Variants in MCPH1 observed in about 807,000 individuals in gnomAD.
MCPH1 encodes the protein microcephalin 1, also known as microcephalin.
MCPH1 carries 104 observed loss-of-function variants against 84.5 expected under a neutral mutation model. The observed-to-expected ratio is 1.23, with a 90% CI of 1.05 to 1.45. MCPH1 has a LOEUF of 1.45. MCPH1 is among the 40% of genes most tolerant of loss of function. MCPH1 has a pLI of 0.00. For synonymous variants in MCPH1, 514 were observed against 366.8 expected (o/e 1.40, Z -4.58); for missense variants, 1,498 against 1,005.7 (o/e 1.49, Z -6.62).
At chr8:6,435,754 A>T (rs1454560361) in intron 4 of MCPH1, among the ~76,000 whole-genome samples, 1 of 152,230 alleles carries the variant, frequency 6.6e-6, no homozygotes, top group African/African-American at 2.4e-5. Context: ...ACAGCAAAAA[A>T]TCGAAAGAGA....
chr8:6,502,344 A>C (rs1474217467), intron 12 of MCPH1: 1 of 152,234 alleles, frequency 6.6e-6, no homozygotes, highest in Non-Finnish European at 1.5e-5. Flanking sequence ...CATATTTAAC[A>C]ATCAGGCAGA....
chr8:6,419,991 G>A (rs1242525306), intron 3 of MCPH1, among the ~76,000 whole-genome samples: 2 of 151,564 alleles, frequency 1.3e-5, no homozygotes, highest in Non-Finnish European at 2.9e-5. Flanking sequence ...TGTGGCCAGA[G>A]CGTCCTCTTC....
chr8:6,519,346 C>T (rs1816871396), intron 12 of MCPH1, among the ~76,000 whole-genome samples: 2 of 152,178 alleles, frequency 1.3e-5, no homozygotes, highest in Admixed American at 1.3e-4. Flanking sequence ...GTAAAACTGC[C>T]ACCATCCCCG....
chr8:6,527,494 C>T (rs1211232836), intron 12 of MCPH1: 69 of 1,567,784 alleles, frequency 4.4e-5, no homozygotes, highest in Non-Finnish European at 3.6e-5. Flanking sequence ...CATTTGAGAC[C>T]GACTTTCATA....
intron 12 of MCPH1, chr8:6,519,948 T>C (rs758115390): frequency 6.2e-7 from 1 of 1,614,102 alleles, no homozygotes; most frequent in East Asian, 2.2e-5. Flanking sequence ...CAGCACAGTC[T>C]CTGAAGCTGA....
intron 11 of MCPH1, among the ~76,000 whole-genome samples, chr8:6,494,740 G>C (rs1368415592): frequency 6.6e-6 from 1 of 152,192 alleles, no homozygotes; most frequent in Non-Finnish European, 1.5e-5. Context: ...CAGGGATGGA[G>C]GGGAGAGAGG....
At chr8:6,507,774 G>C (rs1814075881) in intron 12 of MCPH1, 1 of 151,594 alleles carries the variant, frequency 6.6e-6, no homozygotes, top group South Asian at 2.1e-4. Context: ...GTAGAGATGG[G>C]GTTTCAACAT....
At chr8:6,443,204 G>A (rs1185145970) in intron 7 of MCPH1, among the ~76,000 whole-genome samples, 13 of 152,202 alleles carry the variant, frequency 8.5e-5, no homozygotes, top group Admixed American at 5.9e-4. Context: ...CATGTGGTTT[G>A]TGAATGGCAA....
At chr8:6,599,095 G>C (rs548032007) in intron 12 of MCPH1, among the ~76,000 whole-genome samples, 99 of 152,320 alleles carry the variant, frequency 6.5e-4, no homozygotes, top group African/African-American at 2.3e-3. Context: ...GGCGCGCCTG[G>C]GAAGTGGGAA....
chr8:6,611,687 C>G (rs542732982), intron 12 of MCPH1, among the ~76,000 whole-genome samples: 4 of 152,262 alleles, frequency 2.6e-5, no homozygotes, highest in Non-Finnish European at 5.9e-5. Context: ...GGCGCCATCT[C>G]AGCTCCCTGC....
At chr8:6,466,831 C>G (rs201847850) in intron 9 of MCPH1, among the ~76,000 whole-genome samples, 1 of 152,208 alleles carries the variant, frequency 6.6e-6, no homozygotes, top group Non-Finnish European at 1.5e-5. Context: ...CCACCTTGGC[C>G]TTCCAAAGTG....
chr8:6,496,800 C>T (rs113137404), intron 11 of MCPH1, among the ~76,000 whole-genome samples: 2,341 of 152,252 alleles, frequency 0.015, 28 homozygotes, highest in South Asian at 0.024. Flanking sequence ...TTGTATTTTC[C>T]ATCCCAGTAG....
Position 6,480,784 on chromosome 8 carries a change from A to G in MCPH1, c.2044A>G (p.Thr682Ala), listed in dbSNP as rs1460710861. 6.2e-7 allele frequency: 1 copy of G among 1,614,202 alleles called. No homozygotes were observed. Among genetic ancestry groups the G allele is most frequent in the Non-Finnish European group, 8.5e-7 (1 of 1,180,024 alleles). The change falls in exon 11 of 14, where the codon ACC (threonine) becomes GCC (alanine). Residue 682 changes from threonine to alanine, a missense_variant. Physicochemically the swap from Thr to Ala is moderately conservative, Grantham distance 58. Transcript: ENST00000344683. ...GFSIAPDVCE[T>A]TTHVLSGKPL... The stretch of plus-strand genomic sequence containing the variant: ...TTCAATTGCACCAGACGTCTGTGAG[A>G]CCACGACTCACGTGCTTTCCGGGAA...
At chr8:6,513,364 GCT>G (rs1336412526) in intron 12 of MCPH1, among the ~76,000 whole-genome samples, 1 of 132,068 alleles carries the variant, frequency 7.6e-6, no homozygotes, top group Non-Finnish European at 1.6e-5. Context: ...ACGGAGTCTT[GCT>G]CTGTCGCCCA....
At chr8:6,498,321 T>C (rs945354320) in intron 11 of MCPH1, among the ~76,000 whole-genome samples, 8 of 152,222 alleles carry the variant, frequency 5.3e-5, no homozygotes, top group African/African-American at 1.9e-4. Context: ...TTGAACACTC[T>C]ATTAAGGTAA....
At chr8:6,560,870 A>G (rs930681172) in intron 12 of MCPH1, among the ~76,000 whole-genome samples, 8 of 152,232 alleles carry the variant, frequency 5.3e-5, no homozygotes, top group African/African-American at 1.9e-4. Flanking sequence ...TTAAGCAAAT[A>G]CAATGTAGCA....
intron 9 of MCPH1, chr8:6,473,940 C>T: frequency 7.0e-7 from 1 of 1,426,100 alleles, no homozygotes; most frequent in Non-Finnish European, 9.7e-7. Context: ...AGCCGATGCA[C>T]AACTTCTTCC....
intron 12 of MCPH1, among the ~76,000 whole-genome samples, chr8:6,581,395 C>T (rs140772368): frequency 4.2e-4 from 64 of 152,306 alleles, no homozygotes; most frequent in African/African-American, 1.4e-3. Flanking sequence ...TGTCCCTATG[C>T]TATTTGTAAC....
chr8:6,586,648 G>A (rs906463898), intron 12 of MCPH1, among the ~76,000 whole-genome samples: 2 of 152,220 alleles, frequency 1.3e-5, no homozygotes, highest in African/African-American at 2.4e-5. Context: ...AGACGGCCAG[G>A]AGAAACCATG....
Sources: allele counts gnomAD v4.1 joint callset (sites outside exome capture counted in the v4.1 genomes callset), GRCh38; gene constraint gnomAD v4.1.1; transcripts MANE v1.5; gene names NCBI Gene and HGNC (gene_info 2026-07-23, HGNC 2026-07-21).